The following CENPO variants were observed in gnomAD, a reference collection of about 807,000 sequenced individuals.
CENPO encodes the protein centromeric protein O.
CENPO carries 30 observed loss-of-function variants against 36.1 expected under a neutral mutation model. The observed-to-expected ratio is 0.83, with a 90% CI of 0.62 to 1.13. The LOEUF is 1.13. CENPO is among the 50% of genes most tolerant of loss of function. The pLI is 0.00. For synonymous variants in CENPO, 171 were observed against 142.3 expected, an observed-to-expected ratio of 1.20 and a Z score of -1.44; for missense variants, 349 against 357.8, an observed-to-expected ratio of 0.98 and a Z score of 0.20.
In CENPO at chr2:24,819,792, C is replaced by CA. The variant is rs1316329430; in HGVS notation, c.*475dup. 8.9e-6 allele frequency: 8 copies of CA among 897,338 alleles called. No homozygotes were observed. Among genetic ancestry groups the CA allele is most frequent in the African/African-American group, 1.7e-5 (1 of 58,716 alleles). 55.6% of individuals were successfully genotyped at this position (897,338 alleles called of 1,614,324 possible). A position where few individuals can be genotyped will look rare whatever the true frequency, so the allele number is the denominator to read the frequency against. On this transcript the variant is annotated 3_prime_UTR_variant, in exon 8 of 8. Transcript: ENST00000380834. Reference sequence around the variant, plus strand: ...GGGCCACCCTCAGAGCTCACACATCCACGAACAAATGAAGGCTGAGGAGGT... The same window carrying CA: ...GGGCCACCCTCAGAGCTCACACATCCAACGAACAAATGAAGGCTGAGGAGGT...
chr2:24,817,359 C>T (rs1025197739), intron 6 of CENPO, among the ~76,000 whole-genome samples: 4 of 151,670 alleles, frequency 2.6e-5, no homozygotes, highest in Admixed American at 6.6e-5. Flanking sequence ...AATTTTGAAG[C>T]TGCCCCAGAT....
At position 24,819,990 on chromosome 2, in the gene CENPO, G is replaced by A; in HGVS notation, c.*672G>A. On this transcript the variant is annotated 3_prime_UTR_variant, in exon 8 of 8. Transcript: ENST00000380834. ...GACAGAGGGGCCATTGGGGAAGGTG[G>A]CTAGCTTATCCCGCCCCTTCAAGAA... is the stretch of plus-strand genomic sequence containing the variant. The A allele has an allele frequency of 6.2e-7, 1 of 1,613,492 alleles. No homozygotes were observed. Among genetic ancestry groups the A allele is most frequent in the African/African-American group, 1.3e-5 (1 of 74,962 alleles).
rs1429391909 is a variant in CENPO, at chr2:24,815,877, G to A, written c.594+121G>A. 4.5e-6 allele frequency: 4 copies of A among 881,074 alleles called. No homozygotes were observed. The South Asian group carries it at 5.2e-5, about 11-fold the overall frequency. 54.6% of individuals were successfully genotyped at this position (881,074 alleles called of 1,614,324 possible). On this transcript the variant is annotated intron_variant, in intron 5 of 7. Coordinates refer to ENST00000380834, the MANE Select transcript of CENPO (RefSeq NM_001322101.2). ...TTAGAAGTTTGACCGTTACCTTTCC[G>A]ATGCTTGTTTCTTATTTATATAAAA... is the stretch of plus-strand genomic sequence containing the variant.
intron 4 of CENPO, chr2:24,814,800 T>C (rs1666867317): frequency 3.8e-6 from 1 of 266,248 alleles, no homozygotes; most frequent in African/African-American, 2.2e-5. Context: ...TACTGCTGGC[T>C]TGTTTTCTGC....
chr2:24,814,650 A>G (rs1304896639), intron 4 of CENPO, 157 bp downstream of exon 4: 1 of 612,604 alleles, frequency 1.6e-6, no homozygotes, highest in Admixed American at 2.7e-5. Flanking sequence ...AGACACACAC[A>G]CAGCTGACGT....
Position 24,815,602 on chromosome 2 carries a change from C to G in CENPO, c.440C>G (p.Pro147Arg), listed in dbSNP as rs1666904264. The G allele has an allele frequency of 1.2e-6, 2 of 1,614,060 alleles. No individual in the cohort carries two copies. The highest frequency in any genetic ancestry group is 1.7e-5 in the Admixed American group (1 of 60,018). The change falls in exon 5 of 8, where the codon CCA becomes CGA. Residue 147 changes from proline to arginine, a missense_variant. Physicochemically the swap from Pro to Arg is moderately radical, Grantham distance 103. Transcript: ENST00000380834. The part of the protein sequence containing the change: ...SYFVDLVIQK[P>R]LRIHHHSVPV... ...TTTGTGGACCTTGTCATACAGAAAC[C>G]ACTCCGGATACATCACCATTCAGTC...
In CENPO at chr2:24,821,229, AC is replaced by A. The variant is rs1667651696; in HGVS notation, c.*1915del. The stretch of plus-strand genomic sequence containing the variant: ...AGCCATGTCCTCAGCAGGCACAGCA[AC>A]CCCTCTGGAAATGGATCACAAACTC... On this transcript the variant is annotated 3_prime_UTR_variant, in exon 8 of 8. Coordinates refer to ENST00000380834, the MANE Select transcript of CENPO (RefSeq NM_001322101.2). The A allele has an allele frequency of 8.8e-6, 4 of 454,200 alleles. No homozygotes were observed. In the South Asian group the frequency reaches 1.2e-4, roughly 14 times the overall value. 28.1% of individuals were successfully genotyped at this position (454,200 alleles called of 1,614,324 possible).
chr2:24,794,061 C>A, intron 2 of CENPO, 96 bp downstream of exon 2: 2 of 946,746 alleles, frequency 2.1e-6, no homozygotes, highest in Non-Finnish European at 3.5e-6. Context: ...TGGGACCTGG[C>A]CTGTTTGGGA....
In CENPO at chr2:24,820,320, C is replaced by T. The variant is rs1182940471; in HGVS notation, c.*1002C>T. 7 of 1,312,360 alleles carry T rather than the reference C, an allele frequency of 5.3e-6. No individual in the cohort carries two copies. Among genetic ancestry groups the T allele is most frequent in the Non-Finnish European group, 5.8e-6 (6 of 1,029,092 alleles). 81.3% of individuals were successfully genotyped at this position (1,312,360 alleles called of 1,614,324 possible). ...AACCCTGGAGTGACTGGCTGGGGGC[C>T]TCCTCTCATCCAGAGACTTCTCTCC... is the stretch of plus-strand genomic sequence containing the variant. On this transcript the variant is annotated 3_prime_UTR_variant, in exon 8 of 8. Coordinates refer to ENST00000380834, the MANE Select transcript of CENPO (RefSeq NM_001322101.2).
rs962978079 is a variant in CENPO, at chr2:24,821,752, A to G, written c.*2434A>G. The G allele has an allele frequency of 9.6e-6, 14 of 1,465,568 alleles. No homozygotes were observed. Among genetic ancestry groups the G allele is most frequent in the South Asian group, 1.3e-5 (1 of 74,102 alleles). 90.8% of individuals were successfully genotyped at this position (1,465,568 alleles called of 1,614,324 possible). A position where few individuals can be genotyped will look rare whatever the true frequency, so the allele number is the denominator to read the frequency against. On this transcript the variant is annotated 3_prime_UTR_variant, in exon 8 of 8. Coordinates refer to ENST00000380834, the MANE Select transcript of CENPO (RefSeq NM_001322101.2). ...TGGATTCCCTACACCTAGATGTTCA[A>G]GGCCTTACTTTTCCTCCCACAAAGG...
chr2:24,815,256 A>T (rs941928297), intron 4 of CENPO, among the ~76,000 whole-genome samples: 8 of 151,452 alleles, frequency 5.3e-5, no homozygotes, highest in African/African-American at 1.9e-4. Flanking sequence ...AAAAAAAAAA[A>T]TTTCTCAATA....
chr2:24,793,544 A>G (rs773286549), intron 1 of CENPO, 43 bp downstream of exon 1: 2 of 1,531,724 alleles, frequency 1.3e-6, no homozygotes, highest in Non-Finnish European at 1.8e-6. Context: ...CCATTGTCGG[A>G]CCGGACCGTG....
chr2:24,817,807 T>C lies in CENPO; in HGVS notation c.*1T>C, dbSNP rs1667029664. ...GTTGGATATGAGTCTGGTCTCCTAA[T>C]AGATTGTTTTCACTGCACTGGGAGC... On this transcript the variant is annotated 3_prime_UTR_variant, in exon 7 of 8. Transcript: ENST00000380834. 1 of 1,614,144 alleles carries C rather than the reference T, an allele frequency of 6.2e-7. No individual in the cohort carries two copies. The highest frequency in any genetic ancestry group is 8.5e-7 in the Non-Finnish European group (1 of 1,180,028).
At chr2:24,793,644 G>A in intron 1 of CENPO, 143 bp downstream of exon 1, 2 of 1,321,758 alleles carry the variant, frequency 1.5e-6, no homozygotes, top group Non-Finnish European at 2.0e-6. Flanking sequence ...TCGGGAGCGC[G>A]CCGGGGCCGC....
chr2:24,799,042 GGC>G (rs1666043726), intron 2 of CENPO, among the ~76,000 whole-genome samples: 1 of 43,852 alleles, frequency 2.3e-5, no homozygotes, highest in South Asian at 1.3e-3. Context: ...GGAGTGCAAT[GGC>G]ACTCCAATGG....
In CENPO at chr2:24,822,245, C is replaced by T; in HGVS notation, c.*2927C>T. 1 of 334,568 alleles carries T rather than the reference C, an allele frequency of 3.0e-6. No individual in the cohort carries two copies. Among genetic ancestry groups the T allele is most frequent in the Non-Finnish European group, 5.5e-6 (1 of 183,354 alleles). 20.7% of individuals were successfully genotyped at this position (334,568 alleles called of 1,614,324 possible). ...AATTGCTCTCCAGTTCCTATGAAAG[C>T]ACAGAGCCTTAGGGGGCCTGGCCAC... On this transcript the variant is annotated 3_prime_UTR_variant, in exon 8 of 8. Transcript: ENST00000380834.
rs1341597460 is a variant in CENPO, at chr2:24,817,678, GTAT to G, written c.779_781del (p.Leu260del). The stretch of plus-strand genomic sequence containing the variant: ...GGAATCTTTCTTTTTAGGAGTGGAA[GTAT>G]TATCCACTTCATGGGAGGAGCAACG... On this transcript the variant is annotated inframe_deletion, in exon 7 of 8. Transcript: ENST00000380834. 10 of 1,614,090 alleles carry G rather than the reference GTAT, an allele frequency of 6.2e-6. No homozygotes were observed. The highest frequency in any genetic ancestry group is 8.5e-6 in the Non-Finnish European group (10 of 1,180,054).
At chr2:24,799,869 G>C in intron 3 of CENPO, 25 bp downstream of exon 3, 1 of 1,610,912 alleles carries the variant, frequency 6.2e-7, no homozygotes. Context: ...GGTATCAGCA[G>C]TTCCTTTAGA....
chr2:24,793,633 C>A, intron 1 of CENPO, 132 bp downstream of exon 1: 3 of 1,386,802 alleles, frequency 2.2e-6, no homozygotes, highest in Non-Finnish European at 2.9e-6. Flanking sequence ...TAGCCGTGGC[C>A]TCGGGAGCGC....
Sources: gnomAD v4.1 joint callset for allele counts (sites outside exome capture counted in the v4.1 genomes callset) on GRCh38, gnomAD v4.1.1 for gene constraint, MANE v1.5 for transcripts, NCBI Gene and HGNC (gene_info 2026-07-23, HGNC 2026-07-21) for gene names.